DENND4C: variants seen among roughly 807,000 people sequenced by gnomAD.
DENND4C encodes DENN domain-containing protein 4C.
Under a neutral mutation model 203.0 loss-of-function variants are expected in DENND4C, and 108 were observed. That is an observed-to-expected ratio of 0.53 (90% CI 0.46 to 0.62). The LOEUF (loss-of-function observed/expected upper bound fraction) is 0.62, where lower values mean the gene tolerates loss of function less well. Among genes scored for constraint, DENND4C ranks in the 20% least tolerant of loss-of-function variants. The pLI is 0.00. For missense variants in DENND4C, 2,481 were observed against 2,301.2 expected (o/e 1.08, Z -1.60); for synonymous variants, 871 against 792.4 (o/e 1.10, Z -1.67).
Position 19,305,447 on chromosome 9 carries a change from A to T in DENND4C, c.1407A>T (p.Gly469=). ...VLSAPLPFIV[G]VDSRYFDLHD... is the part of the protein sequence containing the mutation. ...GTGCACCTTTACCATTTATAGTTGG[A>T]GTTGACTCAAGGTATTTTGATCTTC... The change falls in exon 10 of 33, where the codon GGA becomes GGT. Residue 469 remains glycine (G), a synonymous_variant. Coordinates refer to ENST00000434457, the MANE Select transcript of DENND4C (RefSeq NM_001330640.2). 2 of 1,613,900 alleles carry T rather than the reference A, an allele frequency of 1.2e-6. No individual in the cohort carries two copies. Among genetic ancestry groups the T allele is most frequent in the Non-Finnish European group, 1.7e-6 (2 of 1,179,948 alleles).
Position 19,286,993 on chromosome 9 carries a change from A to G in DENND4C, c.530A>G (p.Lys177Arg). Residue 177 changes from lysine (K) to arginine (R), a missense_variant, in exon 3 of 33, where the codon AAA (lysine) becomes AGA (arginine). Coordinates refer to ENST00000434457, the MANE Select transcript of DENND4C (RefSeq NM_001330640.2). ...GAAACTCCTCCTCATACCTTCTGCA[A>G]AGTTGACAAAAACTTAAATTGTGGA... ...KGETPPHTFCKVDKNLNCGMW... is the reference protein window; with the variant it reads ...KGETPPHTFCRVDKNLNCGMW... The G allele has an allele frequency of 8.1e-7, 1 of 1,232,118 alleles. No individual in the cohort carries two copies. Among genetic ancestry groups the G allele is most frequent in the Non-Finnish European group, 1.0e-6 (1 of 987,950 alleles). The allele number at this position is 1,232,118 out of a possible 1,614,324, so 76.3% of individuals were successfully genotyped here.
chr9:19,249,022 C>G (rs1452815138), intron 1 of DENND4C, among the ~76,000 whole-genome samples: 3 of 152,062 alleles, frequency 2.0e-5, no homozygotes, highest in Admixed American at 1.3e-4. Context: ...AACACCTGAC[C>G]TTGGTTGATC....
At chr9:19,330,216 G>T (rs898945079) in intron 16 of DENND4C, among the ~76,000 whole-genome samples, 1 of 151,058 alleles carries the variant, frequency 6.6e-6, no homozygotes, top group Non-Finnish European at 1.5e-5. Context: ...TTTTTTTCAG[G>T]CTAACTGGAA....
chr9:19,325,790 T>G, intron 13 of DENND4C, 149 bp from the exon 14 acceptor site: 2 of 696,846 alleles, frequency 2.9e-6, no homozygotes, highest in South Asian at 3.8e-5. Flanking sequence ...CCTAAGAGTA[T>G]GTATTCAGCC....
At chr9:19,337,667 C>A (rs553689119) in intron 20 of DENND4C, 1 of 1,288,438 alleles carries the variant, frequency 7.8e-7, no homozygotes, top group Non-Finnish European at 1.0e-6. Context: ...ATGTTAACCA[C>A]ATCAGGTAAT....
At chr9:19,341,685 A>G (rs893886061) in intron 21 of DENND4C, among the ~76,000 whole-genome samples, 52 of 152,176 alleles carry the variant, frequency 3.4e-4, no homozygotes, top group African/African-American at 1.2e-3. Context: ...GTATTTGCCA[A>G]AATTACATAG....
intron 1 of DENND4C, among the ~76,000 whole-genome samples, chr9:19,251,486 C>A (rs1009616682): frequency 6.6e-6 from 1 of 152,344 alleles, no homozygotes; most frequent in East Asian, 1.9e-4. Flanking sequence ...ATTAACATTC[C>A]ACTCTTCGTT....
intron 31 of DENND4C, among the ~76,000 whole-genome samples, chr9:19,370,942 A>G (rs765696045): frequency 1.3e-5 from 2 of 152,196 alleles, no homozygotes; most frequent in Non-Finnish European, 2.9e-5. Flanking sequence ...AAATGGATGG[A>G]TCCATTTTTA....
intron 20 of DENND4C, 143 bp from the exon 21 acceptor site, chr9:19,340,849 T>C (rs1563820576): frequency 3.4e-6 from 2 of 588,512 alleles, no homozygotes; most frequent in Admixed American, 4.3e-5. Flanking sequence ...ATTTTTAAAA[T>C]GTTCTGTGTT....
chr9:19,252,779 A>G (rs1826969249), intron 1 of DENND4C, among the ~76,000 whole-genome samples: 1 of 151,844 alleles, frequency 6.6e-6, no homozygotes, highest in South Asian at 2.1e-4. Flanking sequence ...TCTGTCACTC[A>G]GGCTAGGGTG....
At chr9:19,270,069 T>G (rs113636173) in intron 1 of DENND4C, among the ~76,000 whole-genome samples, 2,351 of 152,272 alleles carry the variant, frequency 0.015, 54 homozygotes, top group African/African-American at 0.054. Flanking sequence ...TTCCCTGGAT[T>G]ACCAGGCACA....
chr9:19,291,586 T>G (rs1836308300), intron 5 of DENND4C: 1 of 151,830 alleles, frequency 6.6e-6, no homozygotes, highest in Non-Finnish European at 1.5e-5. Flanking sequence ...ACGCCTGTAA[T>G]CCTGGCTACT....
intron 2 of DENND4C, among the ~76,000 whole-genome samples, chr9:19,285,479 C>T (rs1835006553): frequency 6.6e-6 from 1 of 152,108 alleles, no homozygotes; most frequent in African/African-American, 2.4e-5. Context: ...TTCCCACCTT[C>T]TACCCCTAGG....
chr9:19,253,364 T>G (rs1827127071), intron 1 of DENND4C, among the ~76,000 whole-genome samples: 1 of 152,240 alleles, frequency 6.6e-6, no homozygotes, highest in African/African-American at 2.4e-5. Flanking sequence ...CATCCCTTCT[T>G]TATAACCCTC....
chr9:19,270,227 G>T (rs1477453408), intron 1 of DENND4C, among the ~76,000 whole-genome samples: 3 of 152,188 alleles, frequency 2.0e-5, no homozygotes, highest in Non-Finnish European at 2.9e-5. Context: ...AACCAGCACA[G>T]TACTGAGTCT....
At chr9:19,309,775 T>C (rs1038001816) in intron 10 of DENND4C, among the ~76,000 whole-genome samples, 10 of 152,088 alleles carry the variant, frequency 6.6e-5, no homozygotes, top group African/African-American at 2.4e-4. Flanking sequence ...ATTGTATATA[T>C]TTATGGGGTG....
chr9:19,300,075 A>C, intron 8 of DENND4C, 112 bp from the exon 9 acceptor site: 1 of 1,084,394 alleles, frequency 9.2e-7, no homozygotes. Context: ...AAATAAGTAA[A>C]GACTAGAAAT....
chr9:19,331,877 G>A, intron 16 of DENND4C, 101 bp from the exon 17 acceptor site: 1 of 1,094,692 alleles, frequency 9.1e-7, no homozygotes, highest in Admixed American at 2.3e-5. Context: ...GATTTTAGGG[G>A]GTCAAGTTTT....
At chr9:19,314,400 G>C (rs1784928545) in intron 10 of DENND4C, among the ~76,000 whole-genome samples, 1 of 152,110 alleles carries the variant, frequency 6.6e-6, no homozygotes, top group African/African-American at 2.4e-5. Context: ...GTTGCAGTGA[G>C]CCAAGATCGC....
Sources: allele counts gnomAD v4.1 joint callset (sites outside exome capture counted in the v4.1 genomes callset), GRCh38; gene constraint gnomAD v4.1.1; transcripts MANE v1.5; gene names NCBI Gene and HGNC (gene_info 2026-07-23, HGNC 2026-07-21).